TOM1: variants seen among roughly 807,000 people sequenced by gnomAD.
The protein encoded by TOM1 is target of myb1 membrane trafficking protein.
In TOM1, 38 loss-of-function variants were observed where a neutral mutation model predicts 61.3. The observed-to-expected ratio is 0.62, with a 90% CI of 0.48 to 0.81. The LOEUF (loss-of-function observed/expected upper bound fraction) is 0.81. Among genes scored for constraint, TOM1 ranks in the 40% least tolerant of loss-of-function variants. TOM1 has a pLI of 0.00. For synonymous variants in TOM1, 270 were observed against 268.8 expected, an observed-to-expected ratio of 1.00 and a Z score of -0.04; for missense variants, 591 against 659.6, an observed-to-expected ratio of 0.90 and a Z score of 1.14.
upstream of TOM1, chr22:35,299,542 C>CT (rs2145588459): frequency 1.5e-5 from 4 of 263,976 alleles, no homozygotes; most frequent in South Asian, 1.1e-4. Context: ...GGCTATGACC[C>CT]TAAGAGTCTC....
chr22:35,300,312 C>T (rs1359358777), intron 1 of TOM1, among the ~76,000 whole-genome samples: 6 of 152,268 alleles, frequency 3.9e-5, no homozygotes, highest in African/African-American at 1.4e-4. Flanking sequence ...GCGTGGTTGG[C>T]AGTGGCTGGG....
intron 1 of TOM1, among the ~76,000 whole-genome samples, chr22:35,313,103 T>G (rs929144260): frequency 2.0e-5 from 3 of 152,020 alleles, no homozygotes; most frequent in African/African-American, 7.2e-5. Context: ...TCCCAGCACT[T>G]TGGGAGGCCA....
intron 12 of TOM1, among the ~76,000 whole-genome samples, chr22:35,342,495 C>T (rs2283961): frequency 0.81 from 122,745 of 151,906 alleles, 49,830 homozygotes; most frequent in South Asian, 0.89. Context: ...ACTGGGAGCC[C>T]CCAGACCATC....
Position 35,340,209 on chromosome 22 carries a change from G to C in TOM1, c.1224+1421G>C, listed in dbSNP as rs138007360. Reference sequence around the variant, plus strand: ...ACCTGGGAGTCCAGGGAGTCCGGGGGAGTGAGGGTGGTGGACCTGGGGCCG... The same window carrying C: ...ACCTGGGAGTCCAGGGAGTCCGGGGCAGTGAGGGTGGTGGACCTGGGGCCG... On this transcript the variant is annotated intron_variant, in intron 12 of 14. Transcript: ENST00000449058. Among the ~76,000 whole-genome samples the C allele has an allele frequency of 2.6e-3, 390 of 152,348 alleles. 1 individual carries two copies. The highest frequency in any genetic ancestry group is 8.9e-3 in the African/African-American group (370 of 41,584).
intron 1 of TOM1, among the ~76,000 whole-genome samples, chr22:35,315,322 C>T (rs1363596145): frequency 6.6e-6 from 1 of 152,084 alleles, no homozygotes; most frequent in African/African-American, 2.4e-5. Context: ...GTGACTGGGG[C>T]TTGCTGAGAT....
intron 1 of TOM1, among the ~76,000 whole-genome samples, chr22:35,304,518 G>A (rs1346054588): frequency 3.3e-5 from 5 of 151,956 alleles, no homozygotes; most frequent in East Asian, 1.9e-4. Context: ...TCACTCTGTC[G>A]CCCAGGCGGG....
At chr22:35,322,120 C>G (rs1927846481) in intron 3 of TOM1, 83 bp downstream of exon 3, 9 of 1,272,194 alleles carry the variant, frequency 7.1e-6, no homozygotes, top group African/African-American at 1.5e-5. Flanking sequence ...GGACTCCCAG[C>G]CTCCTCTGAG....
At chr22:35,314,102 C>G (rs886074107) in intron 1 of TOM1, among the ~76,000 whole-genome samples, 1 of 152,208 alleles carries the variant, frequency 6.6e-6, no homozygotes, top group Non-Finnish European at 1.5e-5. Flanking sequence ...AATATGCCTA[C>G]CCTGTGGGCA....
At position 35,346,920 on chromosome 22, in the gene TOM1, A is replaced by G. The variant is rs751754859; in HGVS notation, c.1285-10A>G. On this transcript the variant is annotated splice_polypyrimidine_tract_variant and intron_variant, in intron 13 of 14. Transcript: ENST00000449058. ...GCTAACCTCTGCCTCCTTTCCTTCT[A>G]CCTTCCCAGGGTAATGATGCGGAAG... 5.6e-6 allele frequency: 9 copies of G among 1,611,660 alleles called. No homozygotes were observed. The highest frequency in any genetic ancestry group is 3.3e-4 in the Middle Eastern group (2 of 6,012).
rs147754742 is a variant in TOM1, at chr22:35,304,419, G to A, written c.52+4439G>A. On this transcript the variant is annotated intron_variant, in intron 1 of 14. Transcript: ENST00000449058. ...GTTGTCACAGCCCTCTTCTTTCAAG[G>A]ATTTCAAACCCTTTCCAGATATTCT... is the stretch of plus-strand genomic sequence containing the variant. Among the ~76,000 whole-genome samples the A allele has an allele frequency of 6.6e-3, 1,004 of 152,292 alleles. 5 individuals carry two copies. Among genetic ancestry groups the A allele is most frequent in the Middle Eastern group, 0.017 (5 of 294 alleles).
At chr22:35,342,016 C>A (rs1929916975) in intron 12 of TOM1, among the ~76,000 whole-genome samples, 1 of 152,118 alleles carries the variant, frequency 6.6e-6, no homozygotes, top group Non-Finnish European at 1.5e-5. Flanking sequence ...TGGCAGGTAC[C>A]TGTAGTGCCA....
chr22:35,329,134 T>C (rs899662689), intron 7 of TOM1, among the ~76,000 whole-genome samples: 1 of 152,266 alleles, frequency 6.6e-6, no homozygotes, highest in African/African-American at 2.4e-5. Flanking sequence ...TTTTGTATTA[T>C]TAGTAGACAC....
chr22:35,318,496 C>T (rs886436082), intron 2 of TOM1, among the ~76,000 whole-genome samples: 8 of 152,336 alleles, frequency 5.3e-5, no homozygotes, highest in South Asian at 2.1e-4. Flanking sequence ...GTTGGGGTCA[C>T]GGTATCGTCT....
Position 35,347,078 on chromosome 22 carries a change from C to G in TOM1, c.1348C>G (p.Arg450Gly), listed in dbSNP as rs776007349. ...SEEFDKFLEE[R>G]AKAADRLPNL... Reference sequence around the variant, plus strand: ...AGAATTTGACAAATTCCTGGAAGAACGGGCCAAAGCCGCGGACCGATTGCC... The same window carrying G: ...AGAATTTGACAAATTCCTGGAAGAAGGGGCCAAAGCCGCGGACCGATTGCC... Residue 450 changes from arginine to glycine, a missense_variant, in exon 15 of 15, where the codon CGG becomes GGG. Transcript: ENST00000449058. 4 of 1,593,538 alleles carry G rather than the reference C, an allele frequency of 2.5e-6. No homozygotes were observed. The Admixed American group carries it at 5.1e-5, about 20-fold the overall frequency.
rs1012062448 is a variant in TOM1, at chr22:35,331,381, G to T, written c.899+901G>T. On this transcript the variant is annotated intron_variant, in intron 8 of 14. Transcript: ENST00000449058. ...CCCTCCTTGGCCTCCGAAAGCATTG[G>T]TATTACAGGCATGAGCCACCACACC... 21 of 452,034 alleles carry T rather than the reference G, an allele frequency of 4.6e-5. No individual in the cohort carries two copies. In the Admixed American group the frequency reaches 5.0e-4, roughly 11 times the overall value. The allele number at this position is 452,034 out of a possible 1,614,324, so 28.0% of individuals were successfully genotyped here.
At chr22:35,307,839 T>A (rs572559403) in intron 1 of TOM1, among the ~76,000 whole-genome samples, 1 of 152,286 alleles carries the variant, frequency 6.6e-6, no homozygotes, top group African/African-American at 2.4e-5. Flanking sequence ...TGGTGCAGTA[T>A]AAACCCTGTA....
At chr22:35,332,647 A>C (rs1928942979) in intron 8 of TOM1, among the ~76,000 whole-genome samples, 1 of 152,110 alleles carries the variant, frequency 6.6e-6, no homozygotes, top group Admixed American at 6.5e-5. Context: ...GTTTCATAAG[A>C]CAGTCCTTAC....
At chr22:35,322,886 C>T in intron 3 of TOM1, 142 bp from the exon 4 acceptor site, 1 of 993,168 alleles carries the variant, frequency 1.0e-6, no homozygotes, top group Non-Finnish European at 1.4e-6. Context: ...CAGTCCTCCA[C>T]ATTCAAGGGT....
At chr22:35,310,268 T>C (rs1229739864) in intron 1 of TOM1, among the ~76,000 whole-genome samples, 1 of 152,198 alleles carries the variant, frequency 6.6e-6, no homozygotes, top group Admixed American at 6.5e-5. Flanking sequence ...TTTTTAAAAG[T>C]ATTCAAAGGG....
Sources: gnomAD v4.1 joint callset for allele counts (sites outside exome capture counted in the v4.1 genomes callset) on GRCh38, gnomAD v4.1.1 for gene constraint, MANE v1.5 for transcripts, NCBI Gene and HGNC (gene_info 2026-07-23, HGNC 2026-07-21) for gene names.